The following CDK9 variants were observed in gnomAD, a reference collection of about 807,000 sequenced individuals.
CDK9 encodes cyclin-dependent kinase 9.
In CDK9, 34 loss-of-function variants were observed where a neutral mutation model predicts 39.0. That is an observed-to-expected ratio of 0.87 (90% CI 0.66 to 1.16). The LOEUF is 1.16. Among genes scored for constraint, CDK9 ranks in the 50% most tolerant of loss-of-function variants. CDK9 has a pLI of 0.00. For synonymous variants in CDK9, 233 were observed against 196.2 expected (o/e 1.19, Z -1.57); for missense variants, 369 against 503.2 (o/e 0.73, Z 2.55).
At chr9:127,786,379 C>T in intron 1 of CDK9, 139 bp downstream of exon 1, 1 of 765,900 alleles carries the variant, frequency 1.3e-6, no homozygotes, top group Non-Finnish European at 2.1e-6. Flanking sequence ...CCGCGCCGCA[C>T]CCCGCCCCGG....
intron 5 of CDK9, 29 bp downstream of exon 5, chr9:127,788,414 G>A: frequency 1.3e-6 from 2 of 1,598,562 alleles, no homozygotes; most frequent in East Asian, 2.2e-5. Context: ...GCCAAGGGGG[G>A]TGAGGGCCAG....
rs1384768640 is a variant in CDK9, at chr9:127,788,683, C to T, written c.744C>T (p.Ile248=). 6.2e-7 allele frequency: 1 copy of T among 1,604,482 alleles called. No individual in the cohort carries two copies. The highest frequency in any genetic ancestry group is 8.5e-7 in the Non-Finnish European group (1 of 1,175,242). Residue 248 remains isoleucine (I), a synonymous_variant, in exon 6 of 7, where the codon ATC becomes ATT. Coordinates refer to ENST00000373264, the MANE Select transcript of CDK9 (RefSeq NM_001261.4). Reference sequence around the variant, plus strand: ...TCATCAGTCAGCTCTGCGGCTCCATCACCCCTGAGGTACGGGGCCCCGGTC... The same window carrying T: ...TCATCAGTCAGCTCTGCGGCTCCATTACCCCTGAGGTACGGGGCCCCGGTC... The part of the protein sequence containing the change: ...LALISQLCGS[I]TPEVWPNVDN...
intron 2 of CDK9, 72 bp downstream of exon 2, chr9:127,786,854 G>C (rs377063441): frequency 8.4e-7 from 1 of 1,192,250 alleles, no homozygotes. Context: ...CCACCCTGCT[G>C]CTTCTGGGAG....
At chr9:127,787,368 AAT>A in intron 2 of CDK9, 148 bp from the exon 3 acceptor site, 1 of 573,178 alleles carries the variant, frequency 1.7e-6, no homozygotes, top group Non-Finnish European at 3.2e-6. Flanking sequence ...GCATGCTACT[AAT>A]ATCCATTTTA....
In CDK9 at chr9:127,788,352, A is replaced by C; in HGVS notation, c.571A>C (p.Thr191Pro). 6.2e-7 allele frequency: 1 copy of C among 1,612,904 alleles called. No individual in the cohort carries two copies. Among genetic ancestry groups the C allele is most frequent in the East Asian group, 2.2e-5 (1 of 44,888 alleles). ...CAACCGCTACACCAACCGTGTGGTGACACTCTGGTACCGGCCCCCGGAGCT... is the reference window on the plus strand; with the variant it reads ...CAACCGCTACACCAACCGTGTGGTGCCACTCTGGTACCGGCCCCCGGAGCT... ...QPNRYTNRVV[T>P]LWYRPPELLL... The change falls in exon 5 of 7, where the codon ACA (threonine) becomes CCA (proline). Residue 191 changes from threonine to proline, a missense_variant. Physicochemically the swap from Thr to Pro is conservative, Grantham distance 38. Transcript: ENST00000373264.
At position 127,789,726 on chromosome 9, in the gene CDK9, A is replaced by C; in HGVS notation, c.*183A>C. Reference sequence around the variant, plus strand: ...GCATTGGCTGAGAGACCAGGAGGGCACTGGAGCTGTCTTGTCCTTGCTGGT... The same window carrying C: ...GCATTGGCTGAGAGACCAGGAGGGCCCTGGAGCTGTCTTGTCCTTGCTGGT... On this transcript the variant is annotated 3_prime_UTR_variant, in exon 7 of 7. Coordinates refer to ENST00000373264, the MANE Select transcript of CDK9 (RefSeq NM_001261.4). This position sits in a 1 kb window ranked among gnomAD's most constrained non-coding sequence, Gnocchi z 5.2. 1 of 766,406 alleles carries C rather than the reference A, an allele frequency of 1.3e-6. No homozygotes were observed. The highest frequency in any genetic ancestry group is 2.9e-5 in the Admixed American group (1 of 33,994). 47.5% of individuals were successfully genotyped at this position (766,406 alleles called of 1,614,324 possible).
rs148244006 is a variant in CDK9 at position 127,788,827 on chromosome 9, AGT to A, written c.753+141_753+142del. The A allele has an allele frequency of 2.1e-3, 1,889 of 895,188 alleles. 22 individuals carry two copies. The African/African-American group carries it at 0.029, about 14-fold the overall frequency. The allele number at this position is 895,188 out of a possible 1,614,324, so 55.5% of individuals were successfully genotyped here. Reference sequence around the variant, plus strand: ...TGACAGGGCCTGTCTTGGGGTGGGGAGTGTGTGGGAGAAAAAAACACCTGACA... The same window carrying A: ...TGACAGGGCCTGTCTTGGGGTGGGGAGTGTGGGAGAAAAAAACACCTGACA... On this transcript the variant is annotated intron_variant, in intron 6 of 6. Transcript: ENST00000373264.
chr9:127,788,192 C>G (rs766106317), intron 4 of CDK9, 22 bp from the exon 5 acceptor site: 13 of 1,613,510 alleles, frequency 8.1e-6, no homozygotes, highest in Non-Finnish European at 1.1e-5. Flanking sequence ...CACTAAAGGA[C>G]CCACTCTTGC....
At chr9:127,788,500 G>A (rs1829370851) in intron 5 of CDK9, 44 bp from the exon 6 acceptor site, 2 of 1,530,980 alleles carry the variant, frequency 1.3e-6, no homozygotes, top group African/African-American at 2.7e-5. Flanking sequence ...GCCTCAGGAG[G>A]CCCTCGGGCT....
intron 4 of CDK9, 48 bp downstream of exon 4, chr9:127,788,161 C>T: frequency 1.2e-6 from 2 of 1,613,368 alleles, no homozygotes; most frequent in Non-Finnish European, 1.7e-6. Flanking sequence ...CTGGTCTTGG[C>T]TCCCACTCCC....
At position 127,786,065 on chromosome 9, in the gene CDK9, G is replaced by A. The variant is rs749147935; in HGVS notation, c.-84G>A. 9 of 999,816 alleles carry A rather than the reference G, an allele frequency of 9.0e-6. No homozygotes were observed. The highest frequency in any genetic ancestry group is 1.2e-5 in the Non-Finnish European group (8 of 688,110). The allele number at this position is 999,816 out of a possible 1,614,324, so 61.9% of individuals were successfully genotyped here. On this transcript the variant is annotated 5_prime_UTR_variant, in exon 1 of 7. Coordinates refer to ENST00000373264, the MANE Select transcript of CDK9 (RefSeq NM_001261.4). Reference sequence around the variant, plus strand: ...GCGGAAGTGGCGCGGCCGCGGAGGGGCCTGGAGTGCGGCGGCGGCGGGACC... The same window carrying A: ...GCGGAAGTGGCGCGGCCGCGGAGGGACCTGGAGTGCGGCGGCGGCGGGACC...
rs755440676 is a variant in CDK9, at chr9:127,788,559, G to GC, written c.627dup (p.Ile210HisfsTer2). On this transcript the variant is annotated frameshift_variant, in exon 6 of 7. Coordinates refer to ENST00000373264, the MANE Select transcript of CDK9 (RefSeq NM_001261.4). LOFTEE classifies it high-confidence loss of function. ...TTCTTCCCAGGGGAGCGGGACTACGGCCCCCCCATTGACCTGTGGGGTGCT... is the reference window on the plus strand; with the variant it reads ...TTCTTCCCAGGGGAGCGGGACTACGGCCCCCCCCATTGACCTGTGGGGTGCT... 25 of 1,569,208 alleles carry GC rather than the reference G, an allele frequency of 1.6e-5. No individual in the cohort carries two copies. Among genetic ancestry groups the GC allele is most frequent in the East Asian group, 4.6e-5 (2 of 43,152 alleles).
In CDK9 at chr9:127,787,506, T is replaced by A; in HGVS notation, c.175-12T>A. The stretch of plus-strand genomic sequence containing the variant: ...GCTCACTCTTGACCACTTTCCCCTC[T>A]TTCTCACCCAGTTCCCCATTACAGC... On this transcript the variant is annotated splice_polypyrimidine_tract_variant and intron_variant, in intron 2 of 6. Transcript: ENST00000373264. 1 of 1,603,072 alleles carries A rather than the reference T, an allele frequency of 6.2e-7. No individual in the cohort carries two copies. The highest frequency in any genetic ancestry group is 1.1e-5 in the South Asian group (1 of 90,850).
In CDK9 at chr9:127,789,546, G is replaced by T; in HGVS notation, c.*3G>T. ...CGGAGTTTGAGCGCGTCTTCTGAGG[G>T]CCGGCGCTTGCCACTAGGGCTCTTG... is the stretch of plus-strand genomic sequence containing the variant. On this transcript the variant is annotated 3_prime_UTR_variant, in exon 7 of 7. Transcript: ENST00000373264. The surrounding 1 kb of genome is among the most constrained non-coding windows in gnomAD (Gnocchi z 5.2). 6.2e-7 allele frequency: 1 copy of T among 1,612,154 alleles called. No individual in the cohort carries two copies.
Position 127,790,573 on chromosome 9 carries a change from AC to A in CDK9, c.*1032del, listed in dbSNP as rs1405032262. On this transcript the variant is annotated 3_prime_UTR_variant, in exon 7 of 7. Coordinates refer to ENST00000373264, the MANE Select transcript of CDK9 (RefSeq NM_001261.4). Reference sequence around the variant, plus strand: ...CAGACTGAAGGTAGAATCCTTGGGAACCTTTGAGGAGCGGCACATTCTGGCA... The same window carrying A: ...CAGACTGAAGGTAGAATCCTTGGGAACTTTGAGGAGCGGCACATTCTGGCA... 5 of 152,268 alleles carry A rather than the reference AC, an allele frequency of 3.3e-5. No individual in the cohort carries two copies. In the East Asian group the frequency reaches 9.7e-4, roughly 29 times the overall value. The allele number at this position is 152,268 out of a possible 1,614,324, so 9.4% of individuals were successfully genotyped here. A position where few individuals can be genotyped will look rare whatever the true frequency, so the allele number is the denominator to read the frequency against.
chr9:127,786,354 C>G, intron 1 of CDK9, 114 bp downstream of exon 1: 1 of 896,650 alleles, frequency 1.1e-6, no homozygotes, highest in Non-Finnish European at 1.8e-6. Context: ...CCGGGCTTGC[C>G]TGCTGGTCTC....
At position 127,786,067 on chromosome 9, in the gene CDK9, C is replaced by G. The variant is rs1232410606; in HGVS notation, c.-82C>G. On this transcript the variant is annotated 5_prime_UTR_variant, in exon 1 of 7. Coordinates refer to ENST00000373264, the MANE Select transcript of CDK9 (RefSeq NM_001261.4). ...GGAAGTGGCGCGGCCGCGGAGGGGC[C>G]TGGAGTGCGGCGGCGGCGGGACCCG... 7 of 1,037,716 alleles carry G rather than the reference C, an allele frequency of 6.7e-6. No individual in the cohort carries two copies. In the East Asian group the frequency reaches 2.3e-4, roughly 34 times the overall value. The allele number at this position is 1,037,716 out of a possible 1,614,324, so 64.3% of individuals were successfully genotyped here. A position where few individuals can be genotyped will look rare whatever the true frequency, so the allele number is the denominator to read the frequency against.
intron 3 of CDK9, 72 bp from the exon 4 acceptor site, chr9:127,787,875 A>C: frequency 6.5e-7 from 1 of 1,534,656 alleles, no homozygotes. Context: ...AGCAGGAAGA[A>C]AGAAGCTGGT....
chr9:127,786,393 G>A (rs1829319279), intron 1 of CDK9, among the ~76,000 whole-genome samples, 153 bp downstream of exon 1: 1 of 152,162 alleles, frequency 6.6e-6, no homozygotes, highest in East Asian at 1.9e-4. Flanking sequence ...GCCCCGGCCT[G>A]ACGGAGCCGG....
Sources: allele counts gnomAD v4.1 joint callset (sites outside exome capture counted in the v4.1 genomes callset), GRCh38; gene constraint gnomAD v4.1.1; non-coding constraint Gnocchi (gnomAD v3.1); transcripts MANE v1.5; gene names NCBI Gene and HGNC (gene_info 2026-07-23, HGNC 2026-07-21).